SERPINH1: variants seen among roughly 807,000 people sequenced by gnomAD.
SERPINH1 encodes serpin H1.
SERPINH1 carries 22 observed loss-of-function variants against 32.3 expected under a neutral mutation model. That is an observed-to-expected ratio of 0.68 (90% confidence interval 0.49 to 0.97). SERPINH1 has a LOEUF of 0.97. SERPINH1 is among the 50% of genes least tolerant of loss of function. SERPINH1 has a pLI of 0.00. For synonymous variants in SERPINH1, 251 were observed against 245.9 expected (o/e 1.02, Z -0.19); for missense variants, 543 against 576.4 (o/e 0.94, Z 0.59).
chr11:75,571,795 G>T lies in SERPINH1; in HGVS notation c.969G>T (p.Gly323=), dbSNP rs756342488. 5 of 1,613,836 alleles carry T rather than the reference G, an allele frequency of 3.1e-6. No homozygotes were observed. The Admixed American group carries it at 8.3e-5, about 27-fold the overall frequency. Reference sequence around the variant, plus strand: ...TGTTCCCACAGAAACACCTGGCTGGGCTGGGCCTGACTGAGGCCATTGACA... The same window carrying T: ...TGTTCCCACAGAAACACCTGGCTGGTCTGGGCCTGACTGAGGCCATTGACA... ...VTHDLQKHLA[G]LGLTEAIDKN... is the part of the protein sequence containing the mutation. Residue 323 remains glycine (G), a synonymous_variant, in exon 5 of 5, where the codon GGG becomes GGT. Coordinates refer to ENST00000358171, the MANE Select transcript of SERPINH1 (RefSeq NM_001235.5).
intron 4 of SERPINH1, among the ~76,000 whole-genome samples, chr11:75,569,740 CTT>C (rs1243038152): frequency 6.6e-6 from 1 of 152,138 alleles, no homozygotes; most frequent in Non-Finnish European, 1.5e-5. Context: ...GTATTAAACT[CTT>C]TTAATCCTCA....
chr11:75,572,026 G>T lies in SERPINH1; in HGVS notation c.1200G>T (p.Leu400=). The change falls in exon 5 of 5, where the codon CTG becomes CTT. Residue 400 remains leucine, a synonymous_variant. Transcript: ENST00000358171. Reference sequence around the variant, plus strand: ...TGCGGGACACCCAAAGCGGCTCCCTGCTATTCATTGGGCGCCTGGTCCGGC... The same window carrying T: ...TGCGGGACACCCAAAGCGGCTCCCTTCTATTCATTGGGCGCCTGGTCCGGC... The part of the protein sequence containing the change: ...FLVRDTQSGS[L]LFIGRLVRPK... 6.2e-7 allele frequency: 1 copy of T among 1,614,198 alleles called. No individual in the cohort carries two copies. Among genetic ancestry groups the T allele is most frequent in the Non-Finnish European group, 8.5e-7 (1 of 1,180,034 alleles).
intron 4 of SERPINH1, among the ~76,000 whole-genome samples, chr11:75,571,083 G>T (rs1032728305): frequency 1.3e-5 from 2 of 152,138 alleles, no homozygotes; most frequent in African/African-American, 4.8e-5. Flanking sequence ...ATGTTTGTGT[G>T]TGTGTGTGTG....
chr11:75,571,093 G>GTA (rs1383729876), intron 4 of SERPINH1, among the ~76,000 whole-genome samples: 12 of 152,154 alleles, frequency 7.9e-5, no homozygotes, highest in African/African-American at 2.9e-4. Flanking sequence ...GTGTGTGTGT[G>GTA]TGTATGTGTG....
rs1275556617 is a variant in SERPINH1, at chr11:75,568,784, G to A, written c.676G>A (p.Val226Met). Residue 226 changes from valine (V) to methionine (M), a missense_variant, in exon 3 of 5, where the codon GTG (valine) becomes ATG (methionine). Val to Met is a conservative substitution (Grantham distance 21). Coordinates refer to ENST00000358171, the MANE Select transcript of SERPINH1 (RefSeq NM_001235.5). ...HKMVDNRGFMVTRSYTVGVMM... is the reference protein window; with the variant it reads ...HKMVDNRGFMMTRSYTVGVMM... ...GATGGTGGACAACCGTGGCTTCATGGTGACTCGGTCCTATACCGTGGGTGT... is the reference window on the plus strand; with the variant it reads ...GATGGTGGACAACCGTGGCTTCATGATGACTCGGTCCTATACCGTGGGTGT... 5 of 1,613,920 alleles carry A rather than the reference G, an allele frequency of 3.1e-6. No individual in the cohort carries two copies. In the African/African-American group the frequency reaches 4.0e-5, roughly 13 times the overall value.
intron 2 of SERPINH1, chr11:75,568,182 T>C (rs1253225020): frequency 5.8e-6 from 1 of 173,300 alleles, no homozygotes; most frequent in East Asian, 1.5e-4. Context: ...CCAGCTACTC[T>C]GGAGGCTGAG....
At chr11:75,569,433 T>TTA (rs1565243476) in intron 4 of SERPINH1, 12 of 353,120 alleles carry the variant, frequency 3.4e-5, no homozygotes, top group Non-Finnish European at 4.6e-5. Context: ...TATTATTATT[T>TTA]TTTTTTTGAG....
chr11:75,568,915 G>A (rs1305034390), intron 3 of SERPINH1, 24 bp from the exon 4 acceptor site: 1 of 1,611,982 alleles, frequency 6.2e-7, no homozygotes, highest in Admixed American at 1.7e-5. Context: ...AGGGTGCCCA[G>A]TGTCCTTTCC....
chr11:75,569,091 A>T lies in SERPINH1; in HGVS notation c.874A>T (p.Ile292Phe). The T allele has an allele frequency of 6.2e-7, 1 of 1,614,192 alleles. No individual in the cohort carries two copies. The highest frequency in any genetic ancestry group is 1.1e-5 in the South Asian group (1 of 91,074). ...EKLLTKEQLK[I>F]WMGKMQKKAV... ...GCTGCTAACCAAAGAGCAGCTGAAG[A>T]TCTGGATGGGGAAGATGCAGAAGAA... The change falls in exon 4 of 5, where the codon ATC becomes TTC. Residue 292 changes from isoleucine (I) to phenylalanine (F), a missense_variant. By Grantham distance (21) the Ile-to-Phe change is conservative (BLOSUM62 0). Coordinates refer to ENST00000358171, the MANE Select transcript of SERPINH1 (RefSeq NM_001235.5).
At chr11:75,571,665 CA>C (rs1942195934) in intron 4 of SERPINH1, 115 bp from the exon 5 acceptor site, 4 of 896,514 alleles carry the variant, frequency 4.5e-6, no homozygotes, top group Admixed American at 1.9e-5. Context: ...AGAAGGTGAC[CA>C]GGGGGTGGTT....
At chr11:75,565,038 T>G (rs1323502618) in intron 1 of SERPINH1, among the ~76,000 whole-genome samples, 1 of 152,234 alleles carries the variant, frequency 6.6e-6, no homozygotes, top group Non-Finnish European at 1.5e-5. Flanking sequence ...CCCTTTGCCC[T>G]GTCATCTCTC....
Position 75,568,826 on chromosome 11 carries a change from A to G in SERPINH1, c.718A>G (p.Thr240Ala). Residue 240 changes from threonine to alanine, a missense_variant, in exon 3 of 5, where the codon ACA (threonine) becomes GCA (alanine). By Grantham distance (58) the Thr-to-Ala change is moderately conservative. This residue lies in a region of SERPINH1 where 427 missense variants were observed against 446.4 expected (regional missense o/e 0.96). Coordinates refer to ENST00000358171, the MANE Select transcript of SERPINH1 (RefSeq NM_001235.5). ...YTVGVMMMHR[T>A]GLYNYYDDEK... ...CGTGGGTGTCATGATGATGCACCGG[A>G]CAGGTAGGTGCTGTGAGGAGCAGGG... The G allele has an allele frequency of 1.2e-6, 2 of 1,612,552 alleles. No homozygotes were observed. Among genetic ancestry groups the G allele is most frequent in the Non-Finnish European group, 8.5e-7 (1 of 1,178,552 alleles).
chr11:75,569,654 A>G (rs607933), intron 4 of SERPINH1, among the ~76,000 whole-genome samples: 60,578 of 151,750 alleles, frequency 0.4, 14,279 homozygotes, highest in Non-Finnish European at 0.55. Flanking sequence ...AACTCCTGAC[A>G]TCAAGTGATC....
At chr11:75,567,001 C>CTCT (rs777940027) in intron 2 of SERPINH1, 30 bp downstream of exon 2, 2 of 1,589,286 alleles carry the variant, frequency 1.3e-6, no homozygotes, top group Non-Finnish European at 1.7e-6. Context: ...AGGGGTCCTC[C>CTCT]TCCTCCTCCC....
rs34952121 is a variant in SERPINH1, at chr11:75,572,388, AT to A, written c.*308del. On this transcript the variant is annotated 3_prime_UTR_variant, in exon 5 of 5. Coordinates refer to ENST00000358171, the MANE Select transcript of SERPINH1 (RefSeq NM_001235.5). ...CAAGCCTGCCTCAATCAGTATTCAT[AT>A]TTATAGCCAGGTACCTTCTCACCTG... The A allele has an allele frequency of 2.2e-6, 1 of 456,382 alleles. No individual in the cohort carries two copies. Among genetic ancestry groups the A allele is most frequent in the Non-Finnish European group, 4.1e-6 (1 of 245,836 alleles). The allele number at this position is 456,382 out of a possible 1,614,324, so 28.3% of individuals were successfully genotyped here.
rs754791521 is a variant in SERPINH1 at position 75,566,447 on chromosome 11, C to G, written c.98C>G (p.Ala33Gly). The change falls in exon 2 of 5, where the codon GCG becomes GGG. Residue 33 changes from alanine (A) to glycine (G), a missense_variant. Ala to Gly is a moderately conservative substitution (Grantham distance 60, BLOSUM62 0). Transcript: ENST00000358171. ...GCAGCCGCAGCAGCTCCTGGCACTG[C>G]GGAGAAGTTGAGCCCCAAGGCGGCC... ...KPAAAAAPGT[A>G]EKLSPKAATL... The G allele has an allele frequency of 6.2e-7, 1 of 1,612,224 alleles. No homozygotes were observed. The highest frequency in any genetic ancestry group is 8.5e-7 in the Non-Finnish European group (1 of 1,179,800).
chr11:75,567,213 C>T (rs776217143), intron 2 of SERPINH1, among the ~76,000 whole-genome samples: 5 of 152,214 alleles, frequency 3.3e-5, no homozygotes, highest in Middle Eastern at 3.2e-3. Flanking sequence ...GAATGTATTC[C>T]GACCGAATTT....
intron 4 of SERPINH1, among the ~76,000 whole-genome samples, chr11:75,569,964 C>T (rs574877651): frequency 6.6e-6 from 1 of 151,886 alleles, no homozygotes; most frequent in Non-Finnish European, 1.5e-5. Flanking sequence ...ATCCAATAAT[C>T]AGACTGGTAG....
At chr11:75,562,369 C>G in intron 1 of SERPINH1, 50 bp downstream of exon 1, 1 of 152,126 alleles carries the variant, frequency 6.6e-6, no homozygotes, top group Non-Finnish European at 1.5e-5. Flanking sequence ...GAGCGCCGAG[C>G]AATCTGGGGG....
Sources: allele counts gnomAD v4.1 joint callset (sites outside exome capture counted in the v4.1 genomes callset), GRCh38; gene constraint gnomAD v4.1.1; regional missense constraint gnomAD v4.1.1; transcripts MANE v1.5; gene names NCBI Gene and HGNC (gene_info 2026-07-23, HGNC 2026-07-21).